The following TRIM9 variants were observed in gnomAD, a reference collection of about 807,000 sequenced individuals.
TRIM9 encodes the protein tripartite motif containing 9, also known as E3 ubiquitin-protein ligase TRIM9.
In TRIM9, 26 loss-of-function variants were observed where a neutral mutation model predicts 78.3. The observed-to-expected ratio is 0.33, with a 90% CI of 0.24 to 0.46. The LOEUF (loss-of-function observed/expected upper bound fraction) is 0.46, where lower values mean the gene tolerates loss of function less well. TRIM9 is among the 20% of genes least tolerant of loss of function. TRIM9 has a pLI of 1.00. For synonymous variants in TRIM9, 398 were observed against 416.5 expected (o/e 0.96, Z 0.54); for missense variants, 787 against 1,036.4 (o/e 0.76, Z 3.30).
intron 1 of TRIM9, among the ~76,000 whole-genome samples, chr14:51,037,132 C>T (rs7161111): frequency 0.27 from 41,310 of 152,062 alleles, 6,705 homozygotes; most frequent in South Asian, 0.53. Flanking sequence ...CACCTCACTA[C>T]ATTCCTCAAA....
intron 1 of TRIM9, among the ~76,000 whole-genome samples, chr14:51,042,232 G>A (rs8011399): frequency 0.81 from 123,748 of 152,140 alleles, 50,450 homozygotes; most frequent in African/African-American, 0.85. Flanking sequence ...CCAGCCTGTC[G>A]TTGTCCCTAC....
At chr14:51,080,070 A>G (rs1212929880) in intron 1 of TRIM9, among the ~76,000 whole-genome samples, 1 of 152,174 alleles carries the variant, frequency 6.6e-6, no homozygotes, top group Non-Finnish European at 1.5e-5. Flanking sequence ...CAGACAGCCA[A>G]TCCAAGGGGA....
At chr14:50,983,803 A>G (rs770812465) in intron 8 of TRIM9, among the ~76,000 whole-genome samples, 3 of 152,224 alleles carry the variant, frequency 2.0e-5, no homozygotes, top group East Asian at 1.9e-4. Flanking sequence ...TGCTCTCACT[A>G]TTCTATGCAC....
Position 50,981,031 on chromosome 14 carries a change from T to C in TRIM9, c.2162+769A>G, listed in dbSNP as rs531139963. 3.9e-5 allele frequency among the ~76,000 whole-genome samples: 6 copies of C among 152,148 alleles called. No homozygotes were observed. In the East Asian group the frequency reaches 1.2e-3, roughly 29 times the overall value. ...ATGAGAATGTATCCTGGGGAAATCT[T>C]GGAGCATAAGGTGGACCAGGGTCCA... is the stretch of plus-strand genomic sequence containing the variant. On this transcript the variant is annotated intron_variant, in intron 11 of 12. Coordinates refer to ENST00000684578, the MANE Select transcript of TRIM9 (RefSeq NM_001387360.1).
At chr14:50,981,563 C>T (rs890826721) in intron 11 of TRIM9, among the ~76,000 whole-genome samples, 1 of 152,128 alleles carries the variant, frequency 6.6e-6, no homozygotes, top group South Asian at 2.1e-4. Flanking sequence ...TAGTTTCCAG[C>T]CATGGGTGAA....
rs1217093363 is a variant in TRIM9, at chr14:51,014,537, A to AT, written c.1042-4044dup. Among the ~76,000 whole-genome samples the AT allele has an allele frequency of 6.6e-5, 10 of 152,336 alleles. No homozygotes were observed. In the East Asian group the frequency reaches 1.9e-3, roughly 29 times the overall value. On this transcript the variant is annotated intron_variant, in intron 3 of 12. Transcript: ENST00000684578. Reference sequence around the variant, plus strand: ...TAAACTATGGGGTTCCCAAAGAAGCATTTTGGGTGCCCTGTAATTAACTTA... The same window carrying AT: ...TAAACTATGGGGTTCCCAAAGAAGCATTTTTGGGTGCCCTGTAATTAACTTA...
intron 7 of TRIM9, chr14:50,997,821 C>G: frequency 7.2e-7 from 1 of 1,383,260 alleles, no homozygotes; most frequent in Non-Finnish European, 9.3e-7. Context: ...CAAAGGAAGC[C>G]GCCGGCCCAA....
At position 51,007,808 on chromosome 14, in the gene TRIM9, A is replaced by AG. The variant is rs2056025724; in HGVS notation, c.1306+1271_1306+1272insC. ...AGCAACACATATTAAACCAAAAAAAAAAAAAAAAAGGACAAAATAAGAGAG... is the reference window on the plus strand; with the variant it reads ...AGCAACACATATTAAACCAAAAAAAAGAAAAAAAAAGGACAAAATAAGAGAG... On this transcript the variant is annotated intron_variant, in intron 5 of 12. Transcript: ENST00000684578. Among the ~76,000 whole-genome samples the AG allele has an allele frequency of 3.3e-5, 5 of 152,058 alleles. No homozygotes were observed. The South Asian group carries it at 1.0e-3, about 31-fold the overall frequency.
At chr14:51,064,334 C>A (rs2061576728) in intron 1 of TRIM9, among the ~76,000 whole-genome samples, 1 of 151,762 alleles carries the variant, frequency 6.6e-6, no homozygotes, top group African/African-American at 2.4e-5. Flanking sequence ...AAGCAATAAG[C>A]AGGTGGAATA....
intron 1 of TRIM9, chr14:51,090,500 A>G (rs893886747): frequency 6.6e-6 from 1 of 152,238 alleles, no homozygotes; most frequent in Non-Finnish European, 1.5e-5. Flanking sequence ...TTGAGACAAG[A>G]TTAAGAATGA....
chr14:51,034,356 AG>A (rs2058973736), intron 1 of TRIM9, among the ~76,000 whole-genome samples: 1 of 152,228 alleles, frequency 6.6e-6, no homozygotes, highest in Non-Finnish European at 1.5e-5. Flanking sequence ...TTTTTGAAAA[AG>A]GGTCCCTTCT....
chr14:51,004,512 G>A (rs2055501050), intron 5 of TRIM9, among the ~76,000 whole-genome samples: 1 of 152,032 alleles, frequency 6.6e-6, no homozygotes. Flanking sequence ...GTACACAGGA[G>A]TGTGGCAGGG....
chr14:51,090,269 T>C (rs1371813199), intron 1 of TRIM9, among the ~76,000 whole-genome samples: 1 of 152,254 alleles, frequency 6.6e-6, no homozygotes, highest in African/African-American at 2.4e-5. Flanking sequence ...GACTATATTG[T>C]GTTTACTGCT....
rs553474653 is a variant in TRIM9 at position 51,015,352 on chromosome 14, A to ATTAGGTTGT, written c.1042-4859_1042-4858insACAACCTAA. 2.2e-3 allele frequency among the ~76,000 whole-genome samples: 331 copies of ATTAGGTTGT among 152,210 alleles called. 1 individual carries two copies. The highest frequency in any genetic ancestry group is 7.3e-3 in the African/African-American group (302 of 41,520). On this transcript the variant is annotated intron_variant, in intron 3 of 12. Coordinates refer to ENST00000684578, the MANE Select transcript of TRIM9 (RefSeq NM_001387360.1). ...AGTTCATGTGACACAACCAGAAGCA[A>ATTAGGTTGT]GACCTGAGGTTAATTAGGAGAATTT...
At chr14:51,082,560 T>C (rs1463177409) in intron 1 of TRIM9, among the ~76,000 whole-genome samples, 1 of 152,212 alleles carries the variant, frequency 6.6e-6, no homozygotes, top group African/African-American at 2.4e-5. Context: ...ATATCCTGAT[T>C]ACACAAATCC....
At chr14:50,983,355 A>G in intron 9 of TRIM9, 25 bp downstream of exon 9, 1 of 1,516,526 alleles carries the variant, frequency 6.6e-7, no homozygotes, top group Non-Finnish European at 8.9e-7. Context: ...CGTAAGTAAA[A>G]GATAATTACA....
chr14:51,071,120 T>C (rs887515675), intron 1 of TRIM9, among the ~76,000 whole-genome samples: 1 of 152,076 alleles, frequency 6.6e-6, no homozygotes, highest in East Asian at 1.9e-4. Flanking sequence ...GGCTCACATC[T>C]GTAATCCTAG....
Position 51,095,067 on chromosome 14 carries a change from C to A in TRIM9, c.-128G>T. On this transcript the variant is annotated 5_prime_UTR_variant, in exon 1 of 13. Transcript: ENST00000684578. ...GCTGTGGTGGTGGTGCCTTCCCGCGCAGCACTGGCACGGACACCCAGAGAG... is the reference window on the plus strand; with the variant it reads ...GCTGTGGTGGTGGTGCCTTCCCGCGAAGCACTGGCACGGACACCCAGAGAG... 1 of 608,516 alleles carries A rather than the reference C, an allele frequency of 1.6e-6. No individual in the cohort carries two copies. Among genetic ancestry groups the A allele is most frequent in the East Asian group, 3.2e-5 (1 of 31,726 alleles). 37.7% of individuals were successfully genotyped at this position (608,516 alleles called of 1,614,324 possible). A position where few individuals can be genotyped will look rare whatever the true frequency, so the allele number is the denominator to read the frequency against.
At chr14:51,078,039 A>ATGGTCTTATCAG (rs1269398763) in intron 1 of TRIM9, among the ~76,000 whole-genome samples, 1 of 152,218 alleles carries the variant, frequency 6.6e-6, no homozygotes, top group African/African-American at 2.4e-5. Context: ...TGAACAGCTC[A>ATGGTCTTATCAG]TGGTCTTATC....
Sources: allele counts gnomAD v4.1 joint callset (sites outside exome capture counted in the v4.1 genomes callset), GRCh38; gene constraint gnomAD v4.1.1; transcripts MANE v1.5; gene names NCBI Gene and HGNC (gene_info 2026-07-23, HGNC 2026-07-21).